NIPAL2: variants seen among roughly 807,000 people sequenced by gnomAD.
NIPAL2 encodes NIPA like domain containing 2, also known as NIPA-like protein 2.
Under a neutral mutation model 48.9 loss-of-function variants are expected in NIPAL2, and 43 were observed. The observed-to-expected ratio is 0.88, with a 90% CI of 0.69 to 1.13. NIPAL2 has a LOEUF of 1.13. Ranked by LOEUF, NIPAL2 falls within the 50% of genes most tolerant of loss-of-function variation. The probability of loss-of-function intolerance (pLI) is 0.00; values close to 1 mark genes in which losing one functional copy is unlikely to be tolerated. For missense variants in NIPAL2, 446 were observed against 461.4 expected (o/e 0.97, Z 0.31); for synonymous variants, 167 against 174.6 (o/e 0.96, Z 0.34).
chr8:98,253,361 A>G (rs933646314), intron 2 of NIPAL2, among the ~76,000 whole-genome samples: 1 of 152,152 alleles, frequency 6.6e-6, no homozygotes, highest in Non-Finnish European at 1.5e-5. Flanking sequence ...GCTCAGGTTT[A>G]TTTTGATTCA....
rs1814433020 is a variant in NIPAL2, at chr8:98,262,727, A to C, written c.136-8640T>G. 2.0e-5 allele frequency among the ~76,000 whole-genome samples: 3 copies of C among 151,456 alleles called. No individual in the cohort carries two copies. The South Asian group carries it at 6.3e-4, about 32-fold the overall frequency. On this transcript the variant is annotated intron_variant, in intron 1 of 10. Coordinates refer to ENST00000430223, the MANE Select transcript of NIPAL2 (RefSeq NM_001321635.2). ...AACATTAGACAGATCAACGAGACAG[A>C]AAGTCAACAAGGATACCCAGGAATT...
chr8:98,205,281 A>C (rs777050396), intron 6 of NIPAL2, 35 bp from the exon 7 acceptor site: 1 of 1,567,676 alleles, frequency 6.4e-7, no homozygotes, highest in Non-Finnish European at 8.7e-7. Context: ...AATAAAGAAC[A>C]TATTTCAGAT....
intron 3 of NIPAL2, chr8:98,252,245 C>G: frequency 2.1e-6 from 1 of 468,434 alleles, no homozygotes; most frequent in South Asian, 5.0e-5. Flanking sequence ...GGCTTTCACA[C>G]ATAGGTGTTA....
chr8:98,202,148 A>G (rs1012258575), intron 8 of NIPAL2, among the ~76,000 whole-genome samples: 3 of 152,246 alleles, frequency 2.0e-5, no homozygotes, highest in Admixed American at 6.5e-5. Context: ...AATGGTCCAT[A>G]CTAATAAAAG....
Position 98,294,133 on chromosome 8 carries a change from G to T in NIPAL2, c.5C>A (p.Ala2Glu), listed in dbSNP as rs1329270119. 2 of 1,453,930 alleles carry T rather than the reference G, an allele frequency of 1.4e-6. No homozygotes were observed. The highest frequency in any genetic ancestry group is 2.6e-5 in the Admixed American group (1 of 37,868). The allele number at this position is 1,453,930 out of a possible 1,614,324, so 90.1% of individuals were successfully genotyped here. A position where few individuals can be genotyped will look rare whatever the true frequency, so the allele number is the denominator to read the frequency against. M[A>E]AVAPAGPGDS... ...CCCGGGGCCCGCGGGCGCCACCGCT[G>T]CCATGAGGTCTCGCTCCCGGCGCTC... The change falls in exon 1 of 11, where the codon GCA (alanine) becomes GAA (glutamate). Residue 2 changes from alanine to glutamate, a missense_variant. Transcript: ENST00000430223.
rs138960598 is a variant in NIPAL2 at position 98,222,478 on chromosome 8, C to T, written c.558+1G>A. The T allele has an allele frequency of 6.2e-6, 10 of 1,612,438 alleles. No individual in the cohort carries two copies. Among genetic ancestry groups the T allele is most frequent in the Non-Finnish European group, 8.5e-6 (10 of 1,179,578 alleles). ...GATAGTAAAATATTTAGAATTCTTA[C>T]CACATAGATCAGGAACTGCCATCCG... On this transcript the variant is annotated splice_donor_variant, in intron 5 of 10. Transcript: ENST00000430223. LOFTEE classifies it high-confidence loss of function.
At chr8:98,240,050 A>G (rs1026408463) in intron 3 of NIPAL2, among the ~76,000 whole-genome samples, 2 of 152,228 alleles carry the variant, frequency 1.3e-5, no homozygotes, top group South Asian at 4.1e-4. Context: ...CTATAGTAAA[A>G]TTTAATATTC....
intron 3 of NIPAL2, 199 bp downstream of exon 3, chr8:98,252,264 A>C: frequency 1.9e-6 from 1 of 531,630 alleles, no homozygotes; most frequent in South Asian, 3.9e-5. Flanking sequence ...TAGAGTCACA[A>C]AATGCAAGTT....
intron 5 of NIPAL2, among the ~76,000 whole-genome samples, chr8:98,215,853 A>AAAG (rs1242322614): frequency 6.6e-6 from 1 of 152,136 alleles, no homozygotes; most frequent in East Asian, 1.9e-4. Flanking sequence ...AAAATAGACA[A>AAAG]AAGTAGACAA....
chr8:98,217,130 T>A lies in NIPAL2; in HGVS notation c.559-4629A>T, dbSNP rs975084357. 36 of 985,484 alleles carry A rather than the reference T, an allele frequency of 3.7e-5. No homozygotes were observed. In the East Asian group the frequency reaches 1.1e-3, roughly 31 times the overall value. 61.0% of individuals were successfully genotyped at this position (985,484 alleles called of 1,614,324 possible). A position where few individuals can be genotyped will look rare whatever the true frequency, so the allele number is the denominator to read the frequency against. ...GCAGACAGGCTGGGAAAGGCTGTTT[T>A]AGTGAGTGCACTTTATTCTTCTCTG... On this transcript the variant is annotated intron_variant, in intron 5 of 10. Coordinates refer to ENST00000430223, the MANE Select transcript of NIPAL2 (RefSeq NM_001321635.2).
At chr8:98,226,336 G>A (rs1264897019) in intron 4 of NIPAL2, among the ~76,000 whole-genome samples, 2 of 152,014 alleles carry the variant, frequency 1.3e-5, no homozygotes, top group African/African-American at 4.8e-5. Flanking sequence ...TTGCAGTCAG[G>A]GCTTGTTTGT....
intron 8 of NIPAL2, among the ~76,000 whole-genome samples, chr8:98,202,121 C>G (rs889344165): frequency 6.6e-6 from 1 of 152,158 alleles, no homozygotes; most frequent in Non-Finnish European, 1.5e-5. Context: ...TGCTATCATG[C>G]CTGTCATATT....
At chr8:98,234,106 A>G (rs1029659111) in intron 4 of NIPAL2, among the ~76,000 whole-genome samples, 1 of 152,170 alleles carries the variant, frequency 6.6e-6, no homozygotes, top group African/African-American at 2.4e-5. Flanking sequence ...TAGTGGGTAA[A>G]GGTCAGGAGG....
At chr8:98,260,639 G>A (rs1814253753) in intron 1 of NIPAL2, among the ~76,000 whole-genome samples, 1 of 151,766 alleles carries the variant, frequency 6.6e-6, no homozygotes, top group East Asian at 1.9e-4. Flanking sequence ...CGCCCACGGA[G>A]TCTCGCTGAT....
Position 98,203,170 on chromosome 8 carries a change from T to C in NIPAL2, c.818A>G (p.Tyr273Cys), listed in dbSNP as rs768444605. The C allele has an allele frequency of 4.3e-6, 7 of 1,614,172 alleles. No individual in the cohort carries two copies. Among genetic ancestry groups the C allele is most frequent in the South Asian group, 2.2e-5 (2 of 91,078 alleles). Reference sequence around the variant, plus strand: ...AACTGGCACCACTGTTGTCGTATTGTAGAGTTTCGTGGCTTGATTCAGGAA... The same window carrying C: ...AACTGGCACCACTGTTGTCGTATTGCAGAGTTTCGTGGCTTGATTCAGGAA... The part of the protein sequence containing the change: ...VKFLNQATKL[Y>C]NTTTVVPVNH... Residue 273 changes from tyrosine (Y) to cysteine (C), a missense_variant, in exon 8 of 11, where the codon TAC becomes TGC. By Grantham distance (194) the Tyr-to-Cys change is radical (BLOSUM62 -2). Coordinates refer to ENST00000430223, the MANE Select transcript of NIPAL2 (RefSeq NM_001321635.2).
intron 6 of NIPAL2, among the ~76,000 whole-genome samples, chr8:98,209,557 G>C (rs115147600): frequency 6.6e-6 from 1 of 151,508 alleles, no homozygotes; most frequent in East Asian, 1.9e-4. Context: ...GTTTGAAGCC[G>C]CAGTGAGCTA....
chr8:98,285,561 C>T (rs1816104886), intron 1 of NIPAL2, among the ~76,000 whole-genome samples: 1 of 152,084 alleles, frequency 6.6e-6, no homozygotes, highest in African/African-American at 2.4e-5. Flanking sequence ...GAACCAACAA[C>T]CCTGAAGAAC....
intron 1 of NIPAL2, among the ~76,000 whole-genome samples, chr8:98,280,748 A>ATATATATG (rs1815760392): frequency 1.7e-5 from 1 of 57,262 alleles, no homozygotes; most frequent in Admixed American, 2.4e-4. Flanking sequence ...ATATATATAT[A>ATATATATG]TATATATATA....
intron 1 of NIPAL2, among the ~76,000 whole-genome samples, chr8:98,284,671 G>A (rs779577472): frequency 4.6e-5 from 7 of 152,044 alleles, no homozygotes; most frequent in Non-Finnish European, 7.4e-5. Context: ...GCCCTGGAAC[G>A]ATCAGAGCCC....
Sources: gnomAD v4.1 joint callset for allele counts (sites outside exome capture counted in the v4.1 genomes callset) on GRCh38, gnomAD v4.1.1 for gene constraint, MANE v1.5 for transcripts, NCBI Gene and HGNC (gene_info 2026-07-23, HGNC 2026-07-21) for gene names.